The following SLIT3 variants were observed in gnomAD, a reference collection of about 807,000 sequenced individuals.
The protein encoded by SLIT3 is slit homolog 3 protein.
A neutral mutation model predicts 184.0 loss-of-function variants in SLIT3; 68 were observed. The ratio of observed to expected loss-of-function variants is 0.37; its 90% CI spans 0.30 to 0.45. The LOEUF (loss-of-function observed/expected upper bound fraction) is 0.45. SLIT3 is among the 20% of genes least tolerant of loss of function. The probability of loss-of-function intolerance (pLI) is 1.00; values close to 1 mark genes in which losing one functional copy is unlikely to be tolerated. For synonymous variants in SLIT3, 831 were observed against 828.6 expected (o/e 1.00, Z -0.05); for missense variants, 1,707 against 2,026.0 (o/e 0.84, Z 3.02).
intron 4 of SLIT3, chr5:169,026,473 A>G (rs1756828051): frequency 6.6e-6 from 1 of 152,204 alleles, no homozygotes; most frequent in South Asian, 2.1e-4. Flanking sequence ...ATTCATTGTG[A>G]ACTAAGTGAA....
chr5:168,696,036 C>T (rs1419923595), intron 28 of SLIT3, among the ~76,000 whole-genome samples: 1 of 152,148 alleles, frequency 6.6e-6, no homozygotes, highest in East Asian at 1.9e-4. Context: ...TAATGGCCAG[C>T]AATGAGATGA....
chr5:168,780,235 T>G (rs952162929), intron 12 of SLIT3, among the ~76,000 whole-genome samples: 2 of 152,238 alleles, frequency 1.3e-5, no homozygotes, highest in African/African-American at 4.8e-5. Context: ...GCTGAAAGCA[T>G]ATTCCAAACT....
intron 5 of SLIT3, among the ~76,000 whole-genome samples, chr5:168,878,774 G>T (rs1032646748): frequency 6.7e-6 from 1 of 148,790 alleles, no homozygotes; most frequent in Non-Finnish European, 1.5e-5. Flanking sequence ...GAGTGCAATG[G>T]TGCGATCTTG....
intron 4 of SLIT3, among the ~76,000 whole-genome samples, chr5:169,177,175 G>A (rs1006864926): frequency 6.6e-6 from 1 of 152,196 alleles, no homozygotes; most frequent in Non-Finnish European, 1.5e-5. Context: ...GGCAAATGCA[G>A]TAGCTCTGAG....
chr5:169,156,186 A>C lies in SLIT3; in HGVS notation c.413+37293T>G, dbSNP rs143778476. On this transcript the variant is annotated intron_variant, in intron 4 of 35. Transcript: ENST00000519560. ...GCCCAGGTCATTCTCCTAACTGGTA[A>C]AGAGAAAACGAACAACTTTCTTCCT... 1.5e-4 allele frequency among the ~76,000 whole-genome samples: 23 copies of C among 152,292 alleles called. No homozygotes were observed. In the East Asian group the frequency reaches 3.7e-3, roughly 24 times the overall value.
At chr5:168,939,115 A>T (rs1424740494) in intron 4 of SLIT3, among the ~76,000 whole-genome samples, 1 of 152,176 alleles carries the variant, frequency 6.6e-6, no homozygotes, top group Non-Finnish European at 1.5e-5. Context: ...GAGGAACCGG[A>T]AACACAGACT....
intron 20 of SLIT3, among the ~76,000 whole-genome samples, chr5:168,744,572 T>A (rs1451385323): frequency 6.6e-6 from 1 of 152,208 alleles, no homozygotes; most frequent in Admixed American, 6.5e-5. Context: ...CCACTGCTGA[T>A]GGTGACTTGA....
chr5:169,219,718 G>A (rs530192956), intron 3 of SLIT3, among the ~76,000 whole-genome samples: 10 of 152,290 alleles, frequency 6.6e-5, no homozygotes, highest in South Asian at 4.1e-4. Flanking sequence ...GACACATTCC[G>A]GGGTGTCTAT....
chr5:169,122,966 G>C (rs181721521), intron 4 of SLIT3, among the ~76,000 whole-genome samples: 2 of 152,246 alleles, frequency 1.3e-5, no homozygotes, highest in Admixed American at 6.5e-5. Context: ...CATGTAGACT[G>C]AGAAATAATT....
At position 169,269,534 on chromosome 5, in the gene SLIT3, C is replaced by T. The variant is rs1581123104; in HGVS notation, c.198-18075G>A. ...AACTCTCCCATCTGTAATACCCTCT[C>T]CCATGGATCAAAATGAACTGCAGCT... On this transcript the variant is annotated intron_variant, in intron 1 of 35. Transcript: ENST00000519560. Among the ~76,000 whole-genome samples, 3 of 152,242 alleles carry T rather than the reference C, an allele frequency of 2.0e-5. No homozygotes were observed. In the East Asian group the frequency reaches 5.8e-4, roughly 29 times the overall value.
At chr5:169,070,581 G>A (rs1446592454) in intron 4 of SLIT3, among the ~76,000 whole-genome samples, 1 of 152,134 alleles carries the variant, frequency 6.6e-6, no homozygotes, top group Non-Finnish European at 1.5e-5. Context: ...CGTGTTATCG[G>A]TATTTCCATC....
At chr5:168,945,303 G>A (rs758332433) in intron 4 of SLIT3, among the ~76,000 whole-genome samples, 3 of 151,566 alleles carry the variant, frequency 2.0e-5, no homozygotes, top group Admixed American at 6.6e-5. Context: ...GTGCAGTGGC[G>A]CAATGCTCAC....
chr5:169,263,778 C>T (rs1766293733), intron 1 of SLIT3: 2 of 471,090 alleles, frequency 4.2e-6, no homozygotes, highest in South Asian at 3.1e-5. Context: ...GGATCATTTA[C>T]CCTCTCTCTG....
At chr5:168,951,514 C>T (rs1011541944) in intron 4 of SLIT3, among the ~76,000 whole-genome samples, 3 of 152,122 alleles carry the variant, frequency 2.0e-5, no homozygotes, top group Admixed American at 1.3e-4. Flanking sequence ...GGTCAAAGCA[C>T]GAAGGTTCTT....
rs147011212 is a variant in SLIT3, at chr5:168,873,140, G to A, written c.485+10125C>T. 3.9e-5 allele frequency among the ~76,000 whole-genome samples: 6 copies of A among 152,020 alleles called. No homozygotes were observed. The East Asian group carries it at 5.8e-4, about 15-fold the overall frequency. On this transcript the variant is annotated intron_variant, in intron 5 of 35. Transcript: ENST00000519560. ...CTCACCAAATCTCAGGGTTTTTCCCGGCCAATCTCTCAGAAAAACACTGCC... is the reference window on the plus strand; with the variant it reads ...CTCACCAAATCTCAGGGTTTTTCCCAGCCAATCTCTCAGAAAAACACTGCC...
chr5:168,928,127 G>A (rs1409636437), intron 4 of SLIT3, among the ~76,000 whole-genome samples: 3 of 152,068 alleles, frequency 2.0e-5, no homozygotes, highest in Admixed American at 6.5e-5. Flanking sequence ...ACAAATAACA[G>A]GTACTCTTTG....
At chr5:168,770,332 A>T (rs1345100393) in intron 14 of SLIT3, among the ~76,000 whole-genome samples, 2 of 152,174 alleles carry the variant, frequency 1.3e-5, no homozygotes, top group Non-Finnish European at 2.9e-5. Context: ...TCCTAATTAC[A>T]TCAGCTGTCT....
intron 8 of SLIT3, among the ~76,000 whole-genome samples, chr5:168,807,175 A>C (rs1378980163): frequency 1.3e-5 from 2 of 152,234 alleles, no homozygotes; most frequent in African/African-American, 4.8e-5. Context: ...TGAGTAAGTT[A>C]CTACAGATTT....
At chr5:169,208,352 C>T (rs1764145915) in intron 3 of SLIT3, among the ~76,000 whole-genome samples, 1 of 152,134 alleles carries the variant, frequency 6.6e-6, no homozygotes, top group African/African-American at 2.4e-5. Context: ...GTTCTCCTTG[C>T]AGAGGTCCTT....
Sources: allele counts gnomAD v4.1 joint callset (sites outside exome capture counted in the v4.1 genomes callset), GRCh38; gene constraint gnomAD v4.1.1; transcripts MANE v1.5; gene names NCBI Gene and HGNC (gene_info 2026-07-23, HGNC 2026-07-21).